The following COG5 variants were observed in gnomAD, a reference collection of about 807,000 sequenced individuals.
COG5 encodes component of oligomeric golgi complex 5.
In COG5, 86 loss-of-function variants were observed where a neutral mutation model predicts 110.4. The observed-to-expected ratio is 0.78, with a 90% CI of 0.65 to 0.93. The LOEUF (loss-of-function observed/expected upper bound fraction) is 0.93. Among genes scored for constraint, COG5 ranks in the 40% least tolerant of loss-of-function variants. The probability of loss-of-function intolerance (pLI) is 0.00; values close to 1 mark genes in which losing one functional copy is unlikely to be tolerated. For missense variants in COG5, 1,077 were observed against 987.0 expected, an observed-to-expected ratio of 1.09 and a Z score of -1.22; for synonymous variants, 360 against 334.6, an observed-to-expected ratio of 1.08 and a Z score of -0.83.
intron 5 of COG5, among the ~76,000 whole-genome samples, chr7:107,536,210 A>C (rs1469020547): frequency 6.6e-6 from 1 of 152,204 alleles, no homozygotes; most frequent in African/African-American, 2.4e-5. Flanking sequence ...AAACTGGCAC[A>C]AGTCAAGGAT....
chr7:107,207,683 G>A (rs1798880874), intron 21 of COG5, among the ~76,000 whole-genome samples: 1 of 152,212 alleles, frequency 6.6e-6, no homozygotes, highest in Non-Finnish European at 1.5e-5. Flanking sequence ...GGGAGCACAC[G>A]TGTCTGGAGC....
intron 18 of COG5, among the ~76,000 whole-genome samples, chr7:107,233,716 T>C (rs186581070): frequency 6.6e-6 from 1 of 152,292 alleles, no homozygotes; most frequent in Non-Finnish European, 1.5e-5. Context: ...CCTCAATGGC[T>C]TTAATTTTGA....
At chr7:107,432,789 T>C (rs1794116085) in intron 6 of COG5, among the ~76,000 whole-genome samples, 2 of 152,134 alleles carry the variant, frequency 1.3e-5, no homozygotes, top group South Asian at 4.1e-4. Context: ...CAAAAAATTT[T>C]CTATTTTTTT....
chr7:107,493,198 G>A (rs934491161), intron 6 of COG5, among the ~76,000 whole-genome samples: 1 of 152,088 alleles, frequency 6.6e-6, no homozygotes, highest in African/African-American at 2.4e-5. Flanking sequence ...GATGCAGCAC[G>A]AAGGCCCACA....
In COG5 at chr7:107,282,590, C is replaced by T. The variant is rs1034973262; in HGVS notation, c.1475+981G>A. ...AGGCTGGAGTGCAGTGGCGTGATGT[C>T]GGCTCACTGCAGCCTTCGCCTCCCG... On this transcript the variant is annotated intron_variant, in intron 13 of 21. Transcript: ENST00000297135. 2.6e-5 allele frequency among the ~76,000 whole-genome samples: 4 copies of T among 152,196 alleles called. No individual in the cohort carries two copies. The East Asian group carries it at 5.8e-4, about 22-fold the overall frequency.
intron 11 of COG5, among the ~76,000 whole-genome samples, chr7:107,311,143 G>C (rs1411325745): frequency 6.6e-6 from 1 of 151,980 alleles, no homozygotes; most frequent in South Asian, 2.1e-4. Flanking sequence ...GTAGAATTTC[G>C]GGGTAAATGA....
chr7:107,459,838 C>T (rs965886603), intron 6 of COG5, among the ~76,000 whole-genome samples: 6 of 151,448 alleles, frequency 4.0e-5, no homozygotes, highest in Non-Finnish European at 8.8e-5. Context: ...AAAACATTAT[C>T]GGTAAGGCTA....
chr7:107,483,293 CTTTTG>C (rs1053777217), intron 6 of COG5, among the ~76,000 whole-genome samples: 1 of 152,142 alleles, frequency 6.6e-6, no homozygotes, highest in Non-Finnish European at 1.5e-5. Context: ...TCGATATTAT[CTTTTG>C]TTATTACTTT....
At chr7:107,330,330 T>G (rs1810131163) in intron 10 of COG5, among the ~76,000 whole-genome samples, 1 of 152,204 alleles carries the variant, frequency 6.6e-6, no homozygotes, top group African/African-American at 2.4e-5. Context: ...CACATATTAT[T>G]ACATATAAAT....
At chr7:107,211,077 C>G (rs1423069101) in intron 20 of COG5, 22 bp downstream of exon 20, 1 of 1,613,536 alleles carries the variant, frequency 6.2e-7, no homozygotes, top group South Asian at 1.1e-5. Flanking sequence ...CAAAAGGGTT[C>G]TGGCTTGACT....
intron 6 of COG5, among the ~76,000 whole-genome samples, chr7:107,436,265 A>C (rs906913047): frequency 6.6e-6 from 1 of 152,256 alleles, no homozygotes; most frequent in African/African-American, 2.4e-5. Context: ...CGAATTATTC[A>C]GCCTTTAAAA....
intron 11 of COG5, among the ~76,000 whole-genome samples, chr7:107,312,739 G>C (rs1454378699): frequency 6.6e-6 from 1 of 152,142 alleles, no homozygotes; most frequent in Non-Finnish European, 1.5e-5. Flanking sequence ...TGCATTTTGA[G>C]AGTAATGGAA....
intron 11 of COG5, among the ~76,000 whole-genome samples, chr7:107,300,908 A>G (rs1469688245): frequency 2.0e-5 from 3 of 152,140 alleles, no homozygotes; most frequent in Non-Finnish European, 4.4e-5. Context: ...CAAGACATAT[A>G]AAACTATAAT....
chr7:107,419,632 A>G (rs1468944543), intron 6 of COG5, among the ~76,000 whole-genome samples: 3 of 151,888 alleles, frequency 2.0e-5, no homozygotes, highest in Non-Finnish European at 2.9e-5. Context: ...CAATGGCACA[A>G]TCCTGGCTCA....
intron 8 of COG5, among the ~76,000 whole-genome samples, chr7:107,366,603 T>C (rs919224251): frequency 1.3e-5 from 2 of 151,978 alleles, no homozygotes; most frequent in African/African-American, 4.8e-5. Context: ...ATTTGGACAG[T>C]CAAGAAAAAG....
intron 7 of COG5, among the ~76,000 whole-genome samples, chr7:107,377,668 G>A (rs955867237): frequency 1.3e-5 from 2 of 152,078 alleles, no homozygotes; most frequent in Non-Finnish European, 2.9e-5. Flanking sequence ...CCTCTTTAAG[G>A]CTTAGTTTCC....
At chr7:107,508,303 A>C (rs1277957548) in intron 6 of COG5, among the ~76,000 whole-genome samples, 1 of 152,258 alleles carries the variant, frequency 6.6e-6, no homozygotes, top group Non-Finnish European at 1.5e-5. Flanking sequence ...GTCTGAGATC[A>C]AACTGCAAGG....
At chr7:107,501,120 T>C (rs1268436440) in intron 6 of COG5, among the ~76,000 whole-genome samples, 1 of 152,080 alleles carries the variant, frequency 6.6e-6, no homozygotes, top group Non-Finnish European at 1.5e-5. Flanking sequence ...AAGCTGTAAT[T>C]CATCAAGAAG....
intron 5 of COG5, among the ~76,000 whole-genome samples, chr7:107,529,298 G>C (rs530543835): frequency 5.9e-5 from 9 of 152,316 alleles, no homozygotes; most frequent in Admixed American, 4.6e-4. Flanking sequence ...CACCCACTAG[G>C]AACGTCGGTT....
Sources: allele counts gnomAD v4.1 joint callset (sites outside exome capture counted in the v4.1 genomes callset), GRCh38; gene constraint gnomAD v4.1.1; transcripts MANE v1.5; gene names NCBI Gene and HGNC (gene_info 2026-07-23, HGNC 2026-07-21).